TNFRSF13B: variants seen among roughly 807,000 people sequenced by gnomAD.
The protein encoded by TNFRSF13B is TNF receptor superfamily member 13B, also known as tumor necrosis factor receptor superfamily member 13B.
A neutral mutation model predicts 24.0 loss-of-function variants in TNFRSF13B; 34 were observed. The ratio of observed to expected loss-of-function variants is 1.41; its 90% CI spans 1.08 to 1.88. TNFRSF13B has a LOEUF of 1.88. Among genes scored for constraint, TNFRSF13B ranks in the 40% most tolerant of loss-of-function variants. The probability of loss-of-function intolerance (pLI) is 0.00; values close to 1 mark genes in which losing one functional copy is unlikely to be tolerated. For synonymous variants in TNFRSF13B, 173 were observed against 150.3 expected (o/e 1.15, Z -1.10); for missense variants, 415 against 380.8 (o/e 1.09, Z -0.75).
intron 2 of TNFRSF13B, 127 bp downstream of exon 2, chr17:16,952,319 G>T (rs1234825953): frequency 1.0e-5 from 14 of 1,368,138 alleles, no homozygotes; most frequent in Non-Finnish European, 1.2e-5. Flanking sequence ...GGGGTAAGAG[G>T]TGCCACACTG....
At chr17:16,945,565 A>C (rs1252671739) in intron 3 of TNFRSF13B, among the ~76,000 whole-genome samples, 1 of 152,206 alleles carries the variant, frequency 6.6e-6, no homozygotes, top group Non-Finnish European at 1.5e-5. Context: ...AATCTGTTGC[A>C]TCAGAGGTGG....
At chr17:16,948,661 G>A (rs2087565716) in intron 3 of TNFRSF13B, 77 bp downstream of exon 3, 1 of 1,605,266 alleles carries the variant, frequency 6.2e-7, no homozygotes, top group African/African-American at 1.3e-5. Context: ...GGACTCTCCT[G>A]TTCTAGGCCT....
chr17:16,940,101 A>G, intron 4 of TNFRSF13B: 1 of 1,262,424 alleles, frequency 7.9e-7, no homozygotes, highest in Non-Finnish European at 1.1e-6. Context: ...GGGCCCAGGC[A>G]AACCTGAAGA....
At chr17:16,948,330 G>A (rs532663575) in intron 3 of TNFRSF13B, among the ~76,000 whole-genome samples, 47 of 151,816 alleles carry the variant, frequency 3.1e-4, no homozygotes, top group African/African-American at 9.9e-4. Context: ...ATGTACCCCC[G>A]GATCTAAAAA....
At chr17:16,945,630 T>TGC (rs1177081923) in intron 3 of TNFRSF13B, among the ~76,000 whole-genome samples, 3 of 152,184 alleles carry the variant, frequency 2.0e-5, no homozygotes, top group Admixed American at 6.5e-5. Context: ...GCAGGGAAGG[T>TGC]GCGCAGGTGG....
intron 1 of TNFRSF13B, among the ~76,000 whole-genome samples, chr17:16,959,965 A>G (rs1048827948): frequency 4.6e-5 from 7 of 152,158 alleles, no homozygotes; most frequent in African/African-American, 1.2e-4. Flanking sequence ...TAACTCATTC[A>G]TGAAGTCAGC....
At position 16,949,884 on chromosome 17, in the gene TNFRSF13B, C is replaced by T. The variant is rs571246392; in HGVS notation, c.200-901G>A. ...TATTTTTAGTAGAGATGGACTTTCG[C>T]CGTGTTGGCCAGGCTGGTCGTGAAC... is the stretch of plus-strand genomic sequence containing the variant. On this transcript the variant is annotated intron_variant, in intron 2 of 4. Transcript: ENST00000261652. 2.6e-5 allele frequency among the ~76,000 whole-genome samples: 4 copies of T among 151,968 alleles called. No homozygotes were observed. In the South Asian group the frequency reaches 8.3e-4, roughly 32 times the overall value.
intron 3 of TNFRSF13B, among the ~76,000 whole-genome samples, chr17:16,942,910 C>T (rs140437160): frequency 1.3e-5 from 2 of 152,316 alleles, no homozygotes; most frequent in East Asian, 1.9e-4. Context: ...GCCATGGGGG[C>T]GAGGTTGTGC....
intron 1 of TNFRSF13B, among the ~76,000 whole-genome samples, chr17:16,955,412 G>A (rs1184231179): frequency 1.3e-5 from 2 of 152,224 alleles, no homozygotes; most frequent in Non-Finnish European, 2.9e-5. Context: ...AAGGACGTTC[G>A]TAGAACAAAT....
At chr17:16,970,218 G>A (rs769515180) in intron 1 of TNFRSF13B, among the ~76,000 whole-genome samples, 13 of 152,326 alleles carry the variant, frequency 8.5e-5, no homozygotes, top group Middle Eastern at 6.8e-3. Flanking sequence ...AGGCAGAATA[G>A]AAGCTTGAGA....
intron 3 of TNFRSF13B, among the ~76,000 whole-genome samples, chr17:16,942,555 C>T (rs556767661): frequency 6.6e-6 from 1 of 152,186 alleles, no homozygotes; most frequent in South Asian, 2.1e-4. Context: ...GACCCCAGGA[C>T]CTGCAAACTT....
At chr17:16,967,571 C>G (rs2087710659) in intron 1 of TNFRSF13B, among the ~76,000 whole-genome samples, 1 of 149,582 alleles carries the variant, frequency 6.7e-6, no homozygotes, top group Non-Finnish European at 1.5e-5. Context: ...ATAGTGAAAC[C>G]CCGTCTCTAC....
At chr17:16,965,089 T>C (rs941546963) in intron 1 of TNFRSF13B, among the ~76,000 whole-genome samples, 7 of 152,060 alleles carry the variant, frequency 4.6e-5, no homozygotes, top group African/African-American at 1.4e-4. Flanking sequence ...TAATGTAAAA[T>C]AATTTTAATA....
chr17:16,964,337 C>CTT (rs71355533), intron 1 of TNFRSF13B, among the ~76,000 whole-genome samples: 2,576 of 79,800 alleles, frequency 0.032, 67 homozygotes, highest in South Asian at 0.069. Flanking sequence ...ATCTCCATGC[C>CTT]TTTTTTTTTT....
chr17:16,962,601 T>A (rs1370783859), intron 1 of TNFRSF13B, among the ~76,000 whole-genome samples: 1 of 152,220 alleles, frequency 6.6e-6, no homozygotes, highest in African/African-American at 2.4e-5. Context: ...ATATTTATAT[T>A]GTCATAAATA....
chr17:16,967,447 A>C (rs185087572), intron 1 of TNFRSF13B, among the ~76,000 whole-genome samples: 1 of 152,156 alleles, frequency 6.6e-6, no homozygotes, highest in Non-Finnish European at 1.5e-5. Flanking sequence ...TATACATTAA[A>C]AAATTGTGTT....
chr17:16,961,211 A>G (rs906344263), intron 1 of TNFRSF13B, among the ~76,000 whole-genome samples: 5 of 152,220 alleles, frequency 3.3e-5, no homozygotes, highest in Admixed American at 2.0e-4. Context: ...ACAAACATAA[A>G]ACTACCACAA....
At chr17:16,940,695 C>A (rs915267192) in intron 3 of TNFRSF13B, 184 bp from the exon 4 acceptor site, 6 of 1,458,970 alleles carry the variant, frequency 4.1e-6, no homozygotes, top group Non-Finnish European at 5.4e-6. Flanking sequence ...TTGATCCACT[C>A]CCCCATCCTG....
intron 1 of TNFRSF13B, among the ~76,000 whole-genome samples, chr17:16,969,845 A>G (rs2087731371): frequency 6.6e-6 from 1 of 152,190 alleles, no homozygotes; most frequent in African/African-American, 2.4e-5. Context: ...TCAAAGGATC[A>G]AACAAAATTA....
Sources: allele counts gnomAD v4.1 joint callset (sites outside exome capture counted in the v4.1 genomes callset), GRCh38; gene constraint gnomAD v4.1.1; transcripts MANE v1.5; gene names NCBI Gene and HGNC (gene_info 2026-07-23, HGNC 2026-07-21).